Variants in KIF3C observed in about 807,000 individuals in gnomAD.
KIF3C encodes the protein kinesin family member 3C.
A neutral mutation model predicts 67.7 loss-of-function variants in KIF3C; 12 were observed. The observed-to-expected ratio is 0.18, with a 90% confidence interval of 0.11 to 0.29. The LOEUF is 0.29. KIF3C is among the 10% of genes least tolerant of loss of function. The probability of loss-of-function intolerance (pLI) is 1.00; values close to 1 mark genes in which losing one functional copy is unlikely to be tolerated. For synonymous variants in KIF3C, 393 were observed against 426.2 expected, an observed-to-expected ratio of 0.92 and a Z score of 0.96; for missense variants, 789 against 1,059.6, an observed-to-expected ratio of 0.74 and a Z score of 3.55.
At chr2:25,972,173 A>G (rs541377186) in intron 1 of KIF3C, among the ~76,000 whole-genome samples, 1 of 152,102 alleles carries the variant, frequency 6.6e-6, no homozygotes, top group East Asian at 1.9e-4. Context: ...TTCAGAGCAC[A>G]ATGAGAATAT....
At chr2:25,948,783 T>C (rs79527624) in intron 5 of KIF3C, among the ~76,000 whole-genome samples, 11,083 of 151,498 alleles carry the variant, frequency 0.073, 518 homozygotes, top group African/African-American at 0.12. Flanking sequence ...ATAATCATTA[T>C]GCAGAAAGCT....
At chr2:25,930,841 A>C (rs574022305) in intron 5 of KIF3C, among the ~76,000 whole-genome samples, 1 of 151,754 alleles carries the variant, frequency 6.6e-6, no homozygotes, top group Non-Finnish European at 1.5e-5. Context: ...GCCTGGCCTA[A>C]CACCCGGCTA....
chr2:25,974,559 G>C lies in KIF3C; in HGVS notation c.1545+5814C>G, dbSNP rs1323280851. On this transcript the variant is annotated intron_variant, in intron 1 of 7. Transcript: ENST00000264712. ...GATACTATTACTATCCCATTTTATA[G>C]CTAAGGAAACTGGTACTCAGAGGCC... 2.6e-5 allele frequency among the ~76,000 whole-genome samples: 4 copies of C among 152,100 alleles called. No homozygotes were observed. The East Asian group carries it at 7.7e-4, about 29-fold the overall frequency.
At position 25,962,820 on chromosome 2, in the gene KIF3C, TATATAAAATATATAAAATATATA is replaced by T. The variant is rs1484402275; in HGVS notation, c.1546-6399_1546-6377del. On this transcript the variant is annotated intron_variant, in intron 1 of 7. Coordinates refer to ENST00000264712, the MANE Select transcript of KIF3C (RefSeq NM_002254.8). ...ATTATATAATATATAATATATATAATATATAAAATATATAAAATATATAATATATAATATAATATATAATATAT... is the reference window on the plus strand; with the variant it reads ...ATTATATAATATATAATATATATAATATATATAATATAATATATAATATAT... Among the ~76,000 whole-genome samples the T allele has an allele frequency of 4.5e-4, 33 of 72,882 alleles. 3 individuals carry two copies. Among genetic ancestry groups the T allele is most frequent in the African/African-American group, 2.2e-3 (32 of 14,342 alleles). 47.8% of individuals were successfully genotyped at this position (72,882 alleles called of 152,430 possible).
rs1316040325 is a variant in KIF3C at position 25,928,882 on chromosome 2, C to T, written c.*96G>A. ...CTGCACACACGCACACGCACATGCA[C>T]GCACACGCACACGCACCAAGCGGCA... On this transcript the variant is annotated 3_prime_UTR_variant, in exon 8 of 8. Transcript: ENST00000264712. The T allele has an allele frequency of 7.2e-6, 7 of 969,392 alleles. No individual in the cohort carries two copies. Among genetic ancestry groups the T allele is most frequent in the Non-Finnish European group, 1.1e-5 (7 of 629,344 alleles). 60.0% of individuals were successfully genotyped at this position (969,392 alleles called of 1,614,324 possible).
At chr2:25,939,991 C>T (rs1379830933) in intron 5 of KIF3C, among the ~76,000 whole-genome samples, 1 of 151,868 alleles carries the variant, frequency 6.6e-6, no homozygotes, top group Admixed American at 6.6e-5. Context: ...TAAAATAAAC[C>T]CAGAGGCAGT....
intron 1 of KIF3C, among the ~76,000 whole-genome samples, chr2:25,968,757 G>A (rs1395157706): frequency 6.6e-6 from 1 of 152,028 alleles, no homozygotes; most frequent in African/African-American, 2.4e-5. Flanking sequence ...CACTCAGGCT[G>A]GTTTCTAACC....
chr2:25,972,358 G>C (rs1051887813), intron 1 of KIF3C, among the ~76,000 whole-genome samples: 1 of 152,114 alleles, frequency 6.6e-6, no homozygotes, highest in Non-Finnish European at 1.5e-5. Context: ...AAATCCATTA[G>C]TGTCATATAC....
chr2:25,967,361 G>T (rs1445686895), intron 1 of KIF3C, among the ~76,000 whole-genome samples: 1 of 152,178 alleles, frequency 6.6e-6, no homozygotes, highest in Non-Finnish European at 1.5e-5. Flanking sequence ...ATGATATAAA[G>T]GTGGCTGGGT....
chr2:25,942,706 G>A (rs893856959), intron 5 of KIF3C, among the ~76,000 whole-genome samples: 3 of 152,290 alleles, frequency 2.0e-5, no homozygotes, highest in Middle Eastern at 6.8e-3. Flanking sequence ...CACCGCGCCA[G>A]TGCAAAAATG....
intron 4 of KIF3C, 35 bp from the exon 5 acceptor site, chr2:25,951,940 G>T (rs1170391591): frequency 7.0e-7 from 1 of 1,438,450 alleles, no homozygotes; most frequent in South Asian, 1.1e-5. Context: ...TGGGAAAATG[G>T]GTGAGCGAGA....
At position 25,930,195 on chromosome 2, in the gene KIF3C, T is replaced by C; in HGVS notation, c.2007-132A>G. The C allele has an allele frequency of 4.4e-6, 3 of 687,566 alleles. No individual in the cohort carries two copies. In the East Asian group the frequency reaches 8.0e-5, roughly 18 times the overall value. 42.6% of individuals were successfully genotyped at this position (687,566 alleles called of 1,614,324 possible). On this transcript the variant is annotated intron_variant, in intron 5 of 7. Coordinates refer to ENST00000264712, the MANE Select transcript of KIF3C (RefSeq NM_002254.8). The stretch of plus-strand genomic sequence containing the variant: ...GCAAGTTCTGGAATTTTCTTCTCCT[T>C]GCTCTAATACAGCTTGACAACTGAA...
At chr2:25,951,713 C>T in intron 5 of KIF3C, 76 bp downstream of exon 5, 3 of 939,472 alleles carry the variant, frequency 3.2e-6, no homozygotes, top group Non-Finnish European at 5.1e-6. Context: ...CAGGCAAGGC[C>T]TCAGGCCCCT....
At chr2:25,929,606 C>A in intron 6 of KIF3C, 129 bp from the exon 7 acceptor site, 1 of 689,702 alleles carries the variant, frequency 1.4e-6, no homozygotes, top group Non-Finnish European at 2.4e-6. Flanking sequence ...AGCATCCCCT[C>A]CCATAGGCTC....
At chr2:25,931,725 C>A (rs2090460354) in intron 5 of KIF3C, among the ~76,000 whole-genome samples, 1 of 151,586 alleles carries the variant, frequency 6.6e-6, no homozygotes, top group Admixed American at 6.6e-5. Flanking sequence ...GCAACCTCCG[C>A]CTCCTGAGTT....
chr2:25,969,998 G>A (rs930535828), intron 1 of KIF3C, among the ~76,000 whole-genome samples: 1 of 152,358 alleles, frequency 6.6e-6, no homozygotes, highest in African/African-American at 2.4e-5. Context: ...TTACAGGCGT[G>A]AGCCACTGCA....
At chr2:25,939,561 G>C (rs1663233011) in intron 5 of KIF3C, among the ~76,000 whole-genome samples, 1 of 152,210 alleles carries the variant, frequency 6.6e-6, no homozygotes, top group Non-Finnish European at 1.5e-5. Context: ...CGCAGAGCTA[G>C]GAATGTTCTT....
Position 25,982,487 on chromosome 2 carries a change from G to GAGAGAA in KIF3C, c.-576_-571dup. ...CCCCGCCGCCGCCACTGGAGAATGA[G>GAGAGAA]AGAGAAAAACAGAAGGGGATGGGGC... On this transcript the variant is annotated 5_prime_UTR_variant, in exon 1 of 8. Transcript: ENST00000264712. 2 of 398,486 alleles carry GAGAGAA rather than the reference G, an allele frequency of 5.0e-6. No individual in the cohort carries two copies. Among genetic ancestry groups the GAGAGAA allele is most frequent in the Non-Finnish European group, 8.8e-6 (2 of 226,004 alleles). The allele number at this position is 398,486 out of a possible 1,614,324, so 24.7% of individuals were successfully genotyped here.
chr2:25,957,840 G>T (rs1323955363), intron 1 of KIF3C, among the ~76,000 whole-genome samples: 1 of 152,182 alleles, frequency 6.6e-6, no homozygotes, highest in Non-Finnish European at 1.5e-5. Context: ...CAGCCTCAGA[G>T]GCCAAGGCAG....
Sources: allele counts gnomAD v4.1 joint callset (sites outside exome capture counted in the v4.1 genomes callset), GRCh38; gene constraint gnomAD v4.1.1; transcripts MANE v1.5; gene names NCBI Gene and HGNC (gene_info 2026-07-23, HGNC 2026-07-21).